RPS6KA5: variants seen among roughly 807,000 people sequenced by gnomAD.
RPS6KA5 encodes the protein ribosomal protein S6 kinase alpha-5.
In RPS6KA5, 27 loss-of-function variants were observed where a neutral mutation model predicts 85.5. The observed-to-expected ratio is 0.32, with a 90% CI of 0.23 to 0.44. The LOEUF (loss-of-function observed/expected upper bound fraction) is 0.44, where lower values mean the gene tolerates loss of function less well. Among genes scored for constraint, RPS6KA5 ranks in the 20% least tolerant of loss-of-function variants. RPS6KA5 has a pLI of 1.00. For synonymous variants in RPS6KA5, 334 were observed against 348.2 expected, an observed-to-expected ratio of 0.96 and a Z score of 0.46; for missense variants, 811 against 980.9, an observed-to-expected ratio of 0.83 and a Z score of 2.31.
chr14:90,939,218 A>C (rs1403738527), intron 5 of RPS6KA5, among the ~76,000 whole-genome samples: 2 of 152,194 alleles, frequency 1.3e-5, no homozygotes, highest in Non-Finnish European at 2.9e-5. Context: ...CCTTTGTTCT[A>C]CTTCCCACCA....
intron 3 of RPS6KA5, among the ~76,000 whole-genome samples, chr14:90,950,395 T>C (rs1463314496): frequency 1.3e-5 from 2 of 152,222 alleles, no homozygotes; most frequent in East Asian, 3.9e-4. Context: ...CTTTCCAATC[T>C]GAAGGCCTTT....
At chr14:91,025,996 C>T (rs1345295097) in intron 1 of RPS6KA5, among the ~76,000 whole-genome samples, 1 of 152,054 alleles carries the variant, frequency 6.6e-6, no homozygotes, top group African/African-American at 2.4e-5. Flanking sequence ...CCTCTTCTTT[C>T]TCTCTACTGT....
chr14:90,905,158 A>G (rs1258652839), intron 8 of RPS6KA5, among the ~76,000 whole-genome samples: 1 of 152,112 alleles, frequency 6.6e-6, no homozygotes, highest in Non-Finnish European at 1.5e-5. Flanking sequence ...GACTAAGAGA[A>G]ATATGCCTTT....
intron 5 of RPS6KA5, among the ~76,000 whole-genome samples, chr14:90,942,190 A>G (rs1595282554): frequency 6.6e-6 from 1 of 152,196 alleles, no homozygotes; most frequent in Non-Finnish European, 1.5e-5. Flanking sequence ...TTATAATTTC[A>G]GCACTTATCT....
At chr14:90,969,990 T>C (rs1356957873) in intron 3 of RPS6KA5, among the ~76,000 whole-genome samples, 1 of 152,146 alleles carries the variant, frequency 6.6e-6, no homozygotes, top group African/African-American at 2.4e-5. Flanking sequence ...CTACTCTTTC[T>C]CCTCTGGACC....
chr14:91,049,969 T>G (rs1313101109), intron 1 of RPS6KA5, among the ~76,000 whole-genome samples: 2 of 152,246 alleles, frequency 1.3e-5, no homozygotes, highest in Non-Finnish European at 2.9e-5. Context: ...GACCACAATC[T>G]ACATGCAGTC....
At chr14:91,046,825 T>A (rs907774208) in intron 1 of RPS6KA5, among the ~76,000 whole-genome samples, 6 of 151,480 alleles carry the variant, frequency 4.0e-5, no homozygotes, top group Non-Finnish European at 8.8e-5. Flanking sequence ...TTACTACTTC[T>A]CTTTTTCAAA....
At chr14:91,051,259 TAA>T (rs2043067832) in intron 1 of RPS6KA5, among the ~76,000 whole-genome samples, 2 of 148,860 alleles carry the variant, frequency 1.3e-5, no homozygotes, top group African/African-American at 2.5e-5. Flanking sequence ...AATAAATAAA[TAA>T]ATAAATAAAT....
intron 2 of RPS6KA5, among the ~76,000 whole-genome samples, chr14:90,990,322 A>G (rs1294613993): frequency 6.6e-6 from 1 of 152,206 alleles, no homozygotes; most frequent in African/African-American, 2.4e-5. Flanking sequence ...TAAAAACCAC[A>G]ATGAGATACC....
intron 7 of RPS6KA5, among the ~76,000 whole-genome samples, chr14:90,917,069 C>T (rs2036156645): frequency 6.6e-6 from 1 of 152,034 alleles, no homozygotes; most frequent in Non-Finnish European, 1.5e-5. Flanking sequence ...CTAAGGCGAC[C>T]CTTAGTACCT....
intron 2 of RPS6KA5, among the ~76,000 whole-genome samples, chr14:90,979,358 G>C (rs1427661289): frequency 6.6e-6 from 1 of 152,226 alleles, no homozygotes; most frequent in Non-Finnish European, 1.5e-5. Context: ...ATGAAAAGGT[G>C]AGTCCCCCAC....
chr14:91,012,829 C>G (rs1318212759), intron 1 of RPS6KA5, among the ~76,000 whole-genome samples: 1 of 152,180 alleles, frequency 6.6e-6, no homozygotes, highest in Non-Finnish European at 1.5e-5. Flanking sequence ...TAAAACAACC[C>G]CCTCAAAAGG....
At chr14:91,044,763 C>T (rs147463226) in intron 1 of RPS6KA5, among the ~76,000 whole-genome samples, 4,671 of 150,500 alleles carry the variant, frequency 0.031, 95 homozygotes, top group Non-Finnish European at 0.038. Context: ...CCCAGCTACT[C>T]GGGAAGCTGA....
chr14:90,911,156 C>A (rs1229646093), intron 7 of RPS6KA5: 2 of 152,232 alleles, frequency 1.3e-5, no homozygotes, highest in Non-Finnish European at 2.9e-5. Flanking sequence ...TCTCTCTCAA[C>A]TAAAACATAA....
chr14:91,034,251 G>A (rs551425519), intron 1 of RPS6KA5, among the ~76,000 whole-genome samples: 80 of 150,938 alleles, frequency 5.3e-4, no homozygotes, highest in Non-Finnish European at 8.4e-4. Flanking sequence ...GTTGCAGTGA[G>A]CCAGGATCAC....
intron 14 of RPS6KA5, among the ~76,000 whole-genome samples, chr14:90,886,316 A>G (rs541415703): frequency 4.7e-4 from 72 of 152,212 alleles, no homozygotes; most frequent in Admixed American, 9.8e-4. Context: ...AACACTTTAA[A>G]CAAAATTTTA....
chr14:90,919,627 A>G (rs922429516), intron 7 of RPS6KA5, among the ~76,000 whole-genome samples: 73 of 152,312 alleles, frequency 4.8e-4, no homozygotes, highest in African/African-American at 1.7e-3. Flanking sequence ...AAAGCCAGAC[A>G]TGTCCCTTAC....
intron 5 of RPS6KA5, among the ~76,000 whole-genome samples, chr14:90,932,716 C>T (rs912996970): frequency 6.6e-6 from 1 of 152,140 alleles, no homozygotes; most frequent in Non-Finnish European, 1.5e-5. Context: ...CCATGCTACT[C>T]GTTAAGCACT....
intron 7 of RPS6KA5, among the ~76,000 whole-genome samples, chr14:90,907,309 A>G (rs768394515): frequency 3.9e-5 from 6 of 152,244 alleles, no homozygotes; most frequent in Non-Finnish European, 1.5e-5. Flanking sequence ...TGGAGCCAGA[A>G]TGAGCCCAAC....
Sources: gnomAD v4.1 joint callset for allele counts (sites outside exome capture counted in the v4.1 genomes callset) on GRCh38, gnomAD v4.1.1 for gene constraint, MANE v1.5 for transcripts, NCBI Gene and HGNC (gene_info 2026-07-23, HGNC 2026-07-21) for gene names.